Variants in SLC25A53 observed in about 807,000 individuals in gnomAD.
SLC25A53 encodes the protein mitochondrial carrier triple repeat protein 6.
A neutral mutation model predicts 15.0 loss-of-function variants in SLC25A53; 5 were observed. The ratio of observed to expected loss-of-function variants is 0.33; its 90% confidence interval spans 0.17 to 0.70. The LOEUF (loss-of-function observed/expected upper bound fraction) is 0.70, where lower values mean the gene tolerates loss of function less well. SLC25A53 is among the 30% of genes least tolerant of loss of function. The pLI is 0.67. For missense variants in SLC25A53, 216 were observed against 241.6 expected, an observed-to-expected ratio of 0.89 and a Z score of 0.70; for synonymous variants, 95 against 100.0, an observed-to-expected ratio of 0.95 and a Z score of 0.30.
intron 1 of SLC25A53, among the ~76,000 whole-genome samples, chrX:104,105,724 T>A (rs1305697482): frequency 1.8e-5 from 2 of 112,221 alleles, no homozygotes; most frequent in African/African-American, 6.5e-5. Flanking sequence ...ACAGTTGAAG[T>A]GCAATGCTTT....
Position 104,104,109 on chromosome X carries a change from A to T in SLC25A53, c.*225T>A. Reference sequence around the variant, plus strand: ...TTAAAGGCCTCCTGGCTCTGAGGCTACTGAAACTGTGGAGAGACTGGGGTG... The same window carrying T: ...TTAAAGGCCTCCTGGCTCTGAGGCTTCTGAAACTGTGGAGAGACTGGGGTG... On this transcript the variant is annotated 3_prime_UTR_variant, in exon 2 of 2. Coordinates refer to ENST00000594199, the MANE Select transcript of SLC25A53 (RefSeq NM_001012755.5). 2.6e-6 allele frequency: 1 copy of T among 391,333 alleles called. No homozygotes were observed. Among genetic ancestry groups the T allele is most frequent in the Non-Finnish European group, 4.5e-6 (1 of 224,362 alleles). The allele number at this position is 391,333 out of a possible 1,213,427, so 32.3% of individuals were successfully genotyped here.
intron 1 of SLC25A53, chrX:104,114,257 C>T (rs1461817757): frequency 8.3e-7 from 1 of 1,207,624 alleles, no homozygotes; most frequent in African/African-American, 1.8e-5. Flanking sequence ...AAGTTGTTCT[C>T]AGGAAGAGTG....
intron 1 of SLC25A53, among the ~76,000 whole-genome samples, chrX:104,119,472 TATC>T (rs1171228963): frequency 9.0e-5 from 10 of 111,226 alleles, no homozygotes; most frequent in African/African-American, 3.3e-4. Flanking sequence ...TGGCAACAAA[TATC>T]ATGGAAAGGG....
At chrX:104,122,555 G>A (rs782563598) in intron 1 of SLC25A53, among the ~76,000 whole-genome samples, 3 of 110,561 alleles carry the variant, frequency 2.7e-5, no homozygotes, top group Admixed American at 9.7e-5. Flanking sequence ...CTCTTTTTCC[G>A]TAATGAGACT....
At chrX:104,112,666 C>G (rs1177899746) in intron 1 of SLC25A53, 1 of 113,552 alleles carries the variant, frequency 8.8e-6, no homozygotes, top group Non-Finnish European at 1.9e-5. Context: ...TGCGCACTCG[C>G]TAGGTCGGGC....
intron 1 of SLC25A53, among the ~76,000 whole-genome samples, chrX:104,109,392 A>G (rs782599297): frequency 8.9e-6 from 1 of 112,329 alleles, no homozygotes; most frequent in African/African-American, 3.2e-5. Flanking sequence ...GATCCTCAGT[A>G]TCCTTATATG....
chrX:104,120,612 C>T (rs896383615), intron 1 of SLC25A53, among the ~76,000 whole-genome samples: 2 of 112,014 alleles, frequency 1.8e-5, no homozygotes, highest in Admixed American at 9.5e-5. Flanking sequence ...TCTGCATACA[C>T]AAGCATGTCA....
At position 104,104,987 on chromosome X, in the gene SLC25A53, G is replaced by A. The variant is rs782645201; in HGVS notation, c.271C>T (p.Gln91Ter). 1.7e-6 allele frequency: 2 copies of A among 1,209,765 alleles called. No homozygotes were observed. The highest frequency in any genetic ancestry group is 3.5e-5 in the African/African-American group (2 of 57,052). Residue 91 changes from glutamine to a stop codon, truncating the protein, a stop_gained, in exon 2 of 2, where the codon CAA (glutamine) becomes TAA (stop). Coordinates refer to ENST00000594199, the MANE Select transcript of SLC25A53 (RefSeq NM_001012755.5). LOFTEE classifies it high-confidence loss of function. Reference sequence around the variant, plus strand: ...TAAGTCCCAAACAGAAGAGTCCCTTGCAACGTCTTGGAGAGAAGAGGAGGG... The same window carrying A: ...TAAGTCCCAAACAGAAGAGTCCCTTACAACGTCTTGGAGAGAAGAGGAGGG... Reference protein sequence around the residue: ...IYPPLLSKTLQGTLLFGTYDS... With the variant: ...IYPPLLSKTL
intron 1 of SLC25A53, chrX:104,114,628 A>C (rs782489152): frequency 2.5e-6 from 3 of 1,209,961 alleles, no homozygotes; most frequent in Non-Finnish European, 2.2e-6. Flanking sequence ...TGCAAACCAG[A>C]CTCGCTTGCA....
chrX:104,100,391 C>T lies in SLC25A53; in HGVS notation c.*3943G>A, dbSNP rs2147857449. On this transcript the variant is annotated 3_prime_UTR_variant, in exon 2 of 2. Transcript: ENST00000594199. ...TTTAAACAGATATAGATATTTATTA[C>T]CTCCTTATTTTATTGGTCTCAACTC... is the stretch of plus-strand genomic sequence containing the variant. The T allele has an allele frequency of 9.0e-6, 1 of 110,532 alleles. No homozygotes were observed. The highest frequency in any genetic ancestry group is 3.3e-5 in the African/African-American group (1 of 30,453). The allele number at this position is 110,532 out of a possible 1,213,427, so 9.1% of individuals were successfully genotyped here.
In SLC25A53 at chrX:104,103,502, T is replaced by A; in HGVS notation, c.*832A>T. 1 of 111,827 alleles carries A rather than the reference T, an allele frequency of 8.9e-6. No homozygotes were observed. Among genetic ancestry groups the A allele is most frequent in the Middle Eastern group, 4.6e-3 (1 of 219 alleles). 9.2% of individuals were successfully genotyped at this position (111,827 alleles called of 1,213,427 possible). ...GTCATAGTAACTACATTTAACCACA[T>A]CAACAAAATATGCAATTTTCTGTGA... On this transcript the variant is annotated 3_prime_UTR_variant, in exon 2 of 2. Transcript: ENST00000594199.
At chrX:104,118,349 C>A (rs1556361945) in intron 1 of SLC25A53, among the ~76,000 whole-genome samples, 1 of 111,918 alleles carries the variant, frequency 8.9e-6, no homozygotes, top group African/African-American at 3.3e-5. Context: ...GTTTCCATGA[C>A]ATCCATCTCA....
At chrX:104,155,312 ATAG>A (rs1211406100) in intron 1 of SLC25A53, among the ~76,000 whole-genome samples, 1 of 110,711 alleles carries the variant, frequency 9.0e-6, no homozygotes, top group African/African-American at 3.3e-5. Flanking sequence ...GTTTAGACCT[ATAG>A]TTCTCCAAGT....
At chrX:104,114,831 GAGGGCAGCCAGCCCTGTGGCATTTC>G (rs1487922218) in intron 1 of SLC25A53, 4 of 1,210,443 alleles carry the variant, frequency 3.3e-6, no homozygotes, top group Non-Finnish European at 3.4e-6. Flanking sequence ...CAATAATGGA[GAGGGCAGCCAGCCCTGTGGCATTTC>G]AGGGCGCCCA....
At chrX:104,140,322 C>CGTGTGTGT (rs55930796) in intron 1 of SLC25A53, among the ~76,000 whole-genome samples, 2,217 of 100,855 alleles carry the variant, frequency 0.022, 41 homozygotes, top group African/African-American at 0.04. Flanking sequence ...GACAGGATTC[C>CGTGTGTGT]GTGTGTGTGT....
At position 104,117,628 on chromosome X, in the gene SLC25A53, G is replaced by C. The variant is rs782424125; in HGVS notation, c.-31-12340C>G. Among the ~76,000 whole-genome samples, 4 of 110,203 alleles carry C rather than the reference G, an allele frequency of 3.6e-5. No individual in the cohort carries two copies. In the South Asian group the frequency reaches 1.2e-3, roughly 32 times the overall value. On this transcript the variant is annotated intron_variant, in intron 1 of 1. Coordinates refer to ENST00000594199, the MANE Select transcript of SLC25A53 (RefSeq NM_001012755.5). ...CCCACGCAGGAGGCAGCTTCATCAA[G>C]CCCCCAAAGCCACAGGGTCCCCCAA...
intron 1 of SLC25A53, chrX:104,112,794 G>T: frequency 8.8e-6 from 1 of 114,007 alleles, no homozygotes; most frequent in Non-Finnish European, 1.9e-5. Context: ...CCCACCAGTG[G>T]AGCACAAGTA....
rs1330789943 is a variant in SLC25A53, at chrX:104,100,251, T to C, written c.*4083A>G. 1 of 112,191 alleles carries C rather than the reference T, an allele frequency of 8.9e-6. No individual in the cohort carries two copies. Among genetic ancestry groups the C allele is most frequent in the African/African-American group, 3.2e-5 (1 of 30,970 alleles). 9.2% of individuals were successfully genotyped at this position (112,191 alleles called of 1,213,427 possible). On this transcript the variant is annotated 3_prime_UTR_variant, in exon 2 of 2. Coordinates refer to ENST00000594199, the MANE Select transcript of SLC25A53 (RefSeq NM_001012755.5). ...GAGCTTTATAAAAGCTGATGTAGTT[T>C]ATATTTAGAGAAAAATATATATCAC...
intron 1 of SLC25A53, among the ~76,000 whole-genome samples, chrX:104,118,238 G>A (rs2075383898): frequency 9.0e-6 from 1 of 111,052 alleles, no homozygotes; most frequent in Admixed American, 9.5e-5. Flanking sequence ...CTCATTAGTC[G>A]CCAAGAGATG....
Sources: gnomAD v4.1 joint callset for allele counts (sites outside exome capture counted in the v4.1 genomes callset) on GRCh38, gnomAD v4.1.1 for gene constraint, MANE v1.5 for transcripts, NCBI Gene and HGNC (gene_info 2026-07-23, HGNC 2026-07-21) for gene names.